Variants in SLC9C1 observed in about 807,000 individuals in gnomAD.
SLC9C1 encodes the protein solute carrier family 9 member C1.
SLC9C1 carries 97 observed loss-of-function variants against 140.9 expected under a neutral mutation model. The ratio of observed to expected loss-of-function variants is 0.69; its 90% CI spans 0.58 to 0.82. SLC9C1 has a LOEUF of 0.82. Ranked by LOEUF, SLC9C1 falls within the 40% of genes least tolerant of loss-of-function variation. The pLI, the probability that SLC9C1 is intolerant of heterozygous loss-of-function variation, is 0.00. For missense variants in SLC9C1, 1,340 were observed against 1,389.3 expected (o/e 0.96, Z 0.56); for synonymous variants, 440 against 442.6 (o/e 0.99, Z 0.07).
At position 112,288,011 on chromosome 3, in the gene SLC9C1, C is replaced by G. The variant is rs550902590; in HGVS notation, c.-87-1133G>C. Among the ~76,000 whole-genome samples the G allele has an allele frequency of 3.2e-3, 430 of 135,922 alleles. 1 individual carries two copies. The highest frequency in any genetic ancestry group is 0.011 in the African/African-American group (412 of 36,682). The allele number at this position is 135,922 out of a possible 152,430, so 89.2% of individuals were successfully genotyped here. A position where few individuals can be genotyped will look rare whatever the true frequency, so the allele number is the denominator to read the frequency against. ...TGAGCCGAGATCGTGCCACTGCACT[C>G]CAGCTTGGGCCACAGAGCAAGACTC... On this transcript the variant is annotated intron_variant, in intron 1 of 28. Coordinates refer to ENST00000305815, the MANE Select transcript of SLC9C1 (RefSeq NM_183061.3).
At chr3:112,209,628 T>TA (rs1327871501) in intron 15 of SLC9C1, among the ~76,000 whole-genome samples, 54 of 151,942 alleles carry the variant, frequency 3.6e-4, no homozygotes, top group Admixed American at 2.9e-3. Context: ...CTAGAGCTAA[T>TA]AAACAAAATA....
chr3:112,201,599 A>G (rs2077907498), intron 18 of SLC9C1, among the ~76,000 whole-genome samples: 1 of 152,028 alleles, frequency 6.6e-6, no homozygotes, highest in Admixed American at 6.6e-5. Context: ...ATCGGTTTTA[A>G]TCTGTCTCAA....
intron 18 of SLC9C1, among the ~76,000 whole-genome samples, chr3:112,201,164 A>G (rs1166586866): frequency 6.6e-6 from 1 of 152,072 alleles, no homozygotes; most frequent in Non-Finnish European, 1.5e-5. Context: ...ATTTTAGTCT[A>G]TGTTTTATGA....
intron 28 of SLC9C1, among the ~76,000 whole-genome samples, chr3:112,145,119 G>C (rs1195975756): frequency 6.6e-6 from 1 of 152,126 alleles, no homozygotes; most frequent in Non-Finnish European, 1.5e-5. Flanking sequence ...CTATTATTTT[G>C]AGGTGTGTCC....
intron 2 of SLC9C1, among the ~76,000 whole-genome samples, chr3:112,284,013 C>T (rs1399498466): frequency 6.6e-6 from 1 of 152,050 alleles, no homozygotes; most frequent in African/African-American, 2.4e-5. Context: ...AACTCGTGAC[C>T]ATTTACAAAA....
intron 18 of SLC9C1, among the ~76,000 whole-genome samples, chr3:112,200,971 C>T (rs915693545): frequency 1.3e-5 from 2 of 151,956 alleles, no homozygotes; most frequent in African/African-American, 4.8e-5. Flanking sequence ...TAACCTAGCC[C>T]AATTTTGAGA....
At chr3:112,228,325 G>A (rs2078734302) in intron 13 of SLC9C1, among the ~76,000 whole-genome samples, 2 of 152,110 alleles carry the variant, frequency 1.3e-5, no homozygotes, top group South Asian at 4.1e-4. Context: ...AATAAATAGT[G>A]TTGGGATTAA....
chr3:112,208,253 A>T lies in SLC9C1; in HGVS notation c.1911T>A (p.Asn637Lys). The T allele has an allele frequency of 6.2e-7, 1 of 1,612,336 alleles. No homozygotes were observed. The highest frequency in any genetic ancestry group is 8.5e-7 in the Non-Finnish European group (1 of 1,179,094). ...GTTTTAATTCGCTGTGGTAGATTAC[A>T]TTTAACTGGGATATCCAAGAGATTA... ...PFIISWISQLNVIYHSELKHT... is the reference protein window; with the variant it reads ...PFIISWISQLKVIYHSELKHT... Residue 637 changes from asparagine (N) to lysine (K), a missense_variant, in exon 16 of 29, where the codon AAT (asparagine) becomes AAA (lysine). Coordinates refer to ENST00000305815, the MANE Select transcript of SLC9C1 (RefSeq NM_183061.3).
chr3:112,182,792 A>G (rs73218095), intron 20 of SLC9C1, among the ~76,000 whole-genome samples: 1,919 of 152,324 alleles, frequency 0.013, 9 homozygotes, highest in Non-Finnish European at 0.02. Flanking sequence ...CTATCCAAAT[A>G]TAACTACTAT....
intron 1 of SLC9C1, 101 bp from the exon 2 acceptor site, chr3:112,286,979 G>C: frequency 2.3e-6 from 1 of 443,596 alleles, no homozygotes; most frequent in Non-Finnish European, 3.9e-6. Context: ...GATTTCTCGT[G>C]GTCTGCCAAA....
At chr3:112,187,794 T>G (rs989750819) in intron 20 of SLC9C1, among the ~76,000 whole-genome samples, 2 of 152,104 alleles carry the variant, frequency 1.3e-5, no homozygotes, top group African/African-American at 4.8e-5. Flanking sequence ...TTGCATATAT[T>G]TGTCTAGATT....
chr3:112,201,634 G>T (rs568166235), intron 18 of SLC9C1, among the ~76,000 whole-genome samples: 1 of 152,040 alleles, frequency 6.6e-6, no homozygotes, highest in South Asian at 2.1e-4. Context: ...ATAATATCTA[G>T]AATTTAGGCC....
At chr3:112,237,739 A>T (rs1399042343) in intron 12 of SLC9C1, among the ~76,000 whole-genome samples, 1 of 152,176 alleles carries the variant, frequency 6.6e-6, no homozygotes, top group Non-Finnish European at 1.5e-5. Flanking sequence ...TGGATATCAA[A>T]TTCTGGGTTG....
rs200627774 is a variant in SLC9C1 at position 112,185,084 on chromosome 3, G to A, written c.2524-2826C>T. Among the ~76,000 whole-genome samples the A allele has an allele frequency of 4.6e-4, 70 of 152,128 alleles. 1 individual carries two copies. The East Asian group carries it at 9.0e-3, about 20-fold the overall frequency. ...CCTCCAGCAATAGTGGGACAGGAGG[G>A]CCAGGGGCAGTTCCCCAGGGAATTT... On this transcript the variant is annotated intron_variant, in intron 20 of 28. Transcript: ENST00000305815.
chr3:112,168,611 C>A (rs1392218338), intron 25 of SLC9C1, among the ~76,000 whole-genome samples: 1 of 152,136 alleles, frequency 6.6e-6, no homozygotes, highest in Non-Finnish European at 1.5e-5. Flanking sequence ...CTAACTGTAA[C>A]CAAAATGTCC....
At chr3:112,280,258 A>C (rs1163322784) in intron 3 of SLC9C1, among the ~76,000 whole-genome samples, 5 of 152,230 alleles carry the variant, frequency 3.3e-5, no homozygotes, top group Non-Finnish European at 7.3e-5. Flanking sequence ...CATCTAACAG[A>C]AACCCTTTAA....
chr3:112,181,085 A>T (rs544763573), intron 21 of SLC9C1, among the ~76,000 whole-genome samples: 1 of 152,352 alleles, frequency 6.6e-6, no homozygotes, highest in East Asian at 1.9e-4. Context: ...AAAAGTTTTT[A>T]CATTTAAAAA....
chr3:112,188,275 G>A (rs2077577825), intron 20 of SLC9C1, among the ~76,000 whole-genome samples: 1 of 152,082 alleles, frequency 6.6e-6, no homozygotes, highest in South Asian at 2.1e-4. Flanking sequence ...TAGGGTACAT[G>A]TGCACAACGT....
At position 112,169,032 on chromosome 3, in the gene SLC9C1, A is replaced by G. The variant is rs764880809; in HGVS notation, c.3082T>C (p.Ser1028Pro). 5.6e-6 allele frequency: 9 copies of G among 1,597,846 alleles called. No homozygotes were observed. The highest frequency in any genetic ancestry group is 3.6e-5 in the Admixed American group (2 of 56,228). The change falls in exon 25 of 29, where the codon TCT becomes CCT. Residue 1028 changes from serine to proline, a missense_variant. Ser to Pro is a moderately conservative substitution (Grantham distance 74). Transcript: ENST00000305815. ...GGTATATCTACTACATAAATATTAG[A>G]GAGCTTTAGTTGCATATTGTAGTTC... ...DWNYNMQLKLSNIYVVDIPMS... is the reference protein window; with the variant it reads ...DWNYNMQLKLPNIYVVDIPMS...
Sources: gnomAD v4.1 joint callset for allele counts (sites outside exome capture counted in the v4.1 genomes callset) on GRCh38, gnomAD v4.1.1 for gene constraint, MANE v1.5 for transcripts, NCBI Gene and HGNC (gene_info 2026-07-23, HGNC 2026-07-21) for gene names.